The following MND1 variants were observed in gnomAD, a reference collection of about 807,000 sequenced individuals.
MND1 encodes meiotic nuclear division protein 1 homolog.
MND1 carries 28 observed loss-of-function variants against 35.1 expected under a neutral mutation model. The observed-to-expected ratio is 0.80, with a 90% confidence interval of 0.59 to 1.09. The LOEUF is 1.09. MND1 is among the 50% of genes least tolerant of loss of function. The pLI is 0.00. For synonymous variants in MND1, 69 were observed against 70.5 expected (o/e 0.98, Z 0.11); for missense variants, 213 against 239.6 (o/e 0.89, Z 0.73).
intron 2 of MND1, among the ~76,000 whole-genome samples, chr4:153,353,625 T>C (rs916307855): frequency 2.6e-5 from 4 of 151,772 alleles, no homozygotes; most frequent in African/African-American, 4.8e-5. Context: ...TATAAATTTT[T>C]ATGAAGTATA....
At chr4:153,361,637 A>G (rs1441460800) in intron 4 of MND1, 5 of 441,580 alleles carry the variant, frequency 1.1e-5, no homozygotes, top group African/African-American at 4.1e-5. Context: ...CAGGAGATCA[A>G]GACCATCCTG....
At chr4:153,397,568 G>T (rs1029396227) in intron 6 of MND1, among the ~76,000 whole-genome samples, 11 of 152,080 alleles carry the variant, frequency 7.2e-5, no homozygotes, top group African/African-American at 2.7e-4. Context: ...TGTAATTCCA[G>T]CACTTTGGGA....
At chr4:153,362,822 T>G (rs567602145) in intron 4 of MND1, among the ~76,000 whole-genome samples, 1 of 152,296 alleles carries the variant, frequency 6.6e-6, no homozygotes, top group Admixed American at 6.5e-5. Flanking sequence ...GGTTTAGGCT[T>G]GTTTTTTTTA....
intron 1 of MND1, among the ~76,000 whole-genome samples, chr4:153,345,162 G>GC (rs1554008235): frequency 0.16 from 25,076 of 152,096 alleles, 2,120 homozygotes; most frequent in Admixed American, 0.2. Flanking sequence ...GCGTGGTGTA[G>GC]CCCCCCCCAT....
intron 7 of MND1, 123 bp from the exon 8 acceptor site, chr4:153,414,628 A>G (rs941608496): frequency 6.2e-6 from 3 of 485,088 alleles, no homozygotes; most frequent in Admixed American, 7.9e-5. Context: ...AAATACAGAA[A>G]ACTCCTTATT....
intron 4 of MND1, chr4:153,381,712 T>A (rs1372052875): frequency 8.3e-5 from 7 of 84,298 alleles, no homozygotes; most frequent in East Asian, 7.3e-4. Context: ...TTTTTTTTTT[T>A]TTTTTTTTTT....
At chr4:153,344,943 T>G (rs956799224) in intron 1 of MND1, among the ~76,000 whole-genome samples, 1 of 151,974 alleles carries the variant, frequency 6.6e-6, no homozygotes, top group Non-Finnish European at 1.5e-5. Flanking sequence ...TCCCCGCCGC[T>G]CCTGTCCGGA....
intron 2 of MND1, among the ~76,000 whole-genome samples, chr4:153,351,863 G>A (rs1049111152): frequency 1.3e-5 from 2 of 152,102 alleles, no homozygotes; most frequent in African/African-American, 4.8e-5. Flanking sequence ...TAAAAAACAA[G>A]ACATGATGAC....
At position 153,414,737 on chromosome 4, in the gene MND1, A is replaced by T. The variant is rs773452966; in HGVS notation, c.512-14A>T. The T allele has an allele frequency of 1.7e-6, 2 of 1,173,672 alleles. No individual in the cohort carries two copies. Among genetic ancestry groups the T allele is most frequent in the Non-Finnish European group, 2.4e-6 (2 of 822,472 alleles). 72.7% of individuals were successfully genotyped at this position (1,173,672 alleles called of 1,614,324 possible). On this transcript the variant is annotated splice_polypyrimidine_tract_variant and intron_variant, in intron 7 of 7. Coordinates refer to ENST00000240488, the MANE Select transcript of MND1 (RefSeq NM_032117.4). Reference sequence around the variant, plus strand: ...TGTGTTTTTCTCAAAATTATTTCTCAATTTTCTTTATAGATAACATATTCG... The same window carrying T: ...TGTGTTTTTCTCAAAATTATTTCTCTATTTTCTTTATAGATAACATATTCG...
chr4:153,358,867 C>T (rs1669408284), intron 4 of MND1, among the ~76,000 whole-genome samples: 1 of 152,064 alleles, frequency 6.6e-6, no homozygotes, highest in Admixed American at 6.5e-5. Context: ...TTAATTTTCT[C>T]TTTATCAATA....
rs1282143194 is a variant in MND1 at position 153,398,165 on chromosome 4, T to C, written c.466+832T>C. Among the ~76,000 whole-genome samples, 13 of 152,346 alleles carry C rather than the reference T, an allele frequency of 8.5e-5. No homozygotes were observed. In the East Asian group the frequency reaches 2.5e-3, roughly 29 times the overall value. On this transcript the variant is annotated intron_variant, in intron 6 of 7. Coordinates refer to ENST00000240488, the MANE Select transcript of MND1 (RefSeq NM_032117.4). ...CCTTGTTTTGAATAATGTTTATATT[T>C]TTTTAAAGATAGAAATGTGAATATT...
At chr4:153,381,193 C>T (rs1728672363) in intron 4 of MND1, among the ~76,000 whole-genome samples, 1 of 152,074 alleles carries the variant, frequency 6.6e-6, no homozygotes, top group Non-Finnish European at 1.5e-5. Flanking sequence ...GCCACTGCGC[C>T]CGGCCAGAGA....
intron 4 of MND1, among the ~76,000 whole-genome samples, chr4:153,385,668 A>G (rs1056601173): frequency 6.7e-6 from 1 of 149,880 alleles, no homozygotes; most frequent in African/African-American, 2.5e-5. Context: ...GTGAGCCACA[A>G]TCATGCCACC....
intron 4 of MND1, among the ~76,000 whole-genome samples, chr4:153,374,317 G>A (rs28694517): frequency 0.063 from 9,616 of 152,234 alleles, 511 homozygotes; most frequent in African/African-American, 0.14. Flanking sequence ...GTTCATAAAA[G>A]TAGAGGTCAG....
chr4:153,372,515 G>A (rs1434860794), intron 4 of MND1, among the ~76,000 whole-genome samples: 2 of 152,080 alleles, frequency 1.3e-5, no homozygotes, highest in Admixed American at 6.6e-5. Context: ...ATATGTATGT[G>A]TCCACGAAAC....
intron 2 of MND1, 118 bp from the exon 3 acceptor site, chr4:153,355,536 C>T: frequency 1.5e-6 from 1 of 648,224 alleles, no homozygotes. Flanking sequence ...AAATATCACA[C>T]ATACCCTGTA....
intron 4 of MND1, among the ~76,000 whole-genome samples, chr4:153,378,132 C>G (rs537819632): frequency 3.9e-5 from 6 of 152,248 alleles, no homozygotes; most frequent in Non-Finnish European, 8.8e-5. Flanking sequence ...ATCAATATAT[C>G]ACAGCCTTGT....
At chr4:153,363,156 C>T (rs1270932389) in intron 4 of MND1, 11 of 233,538 alleles carry the variant, frequency 4.7e-5, no homozygotes, top group Non-Finnish European at 7.0e-5. Flanking sequence ...CTCCTAGCCC[C>T]TAGTTACTTT....
At chr4:153,345,388 A>C in intron 1 of MND1, 1 of 985,526 alleles carries the variant, frequency 1.0e-6, no homozygotes, top group Non-Finnish European at 1.2e-6. Context: ...TTTCTGCCAA[A>C]GGGCAGGAGT....
Sources: allele counts gnomAD v4.1 joint callset (sites outside exome capture counted in the v4.1 genomes callset), GRCh38; gene constraint gnomAD v4.1.1; transcripts MANE v1.5; gene names NCBI Gene and HGNC (gene_info 2026-07-23, HGNC 2026-07-21).